The following SDCCAG8 variants were observed in gnomAD, a reference collection of about 807,000 sequenced individuals.
The protein encoded by SDCCAG8 is serologically defined colon cancer antigen 8.
A neutral mutation model predicts 101.8 loss-of-function variants in SDCCAG8; 74 were observed. That is an observed-to-expected ratio of 0.73 (90% CI 0.60 to 0.88). The LOEUF (loss-of-function observed/expected upper bound fraction) is 0.88. Ranked by LOEUF, SDCCAG8 falls within the 40% of genes least tolerant of loss-of-function variation. The probability of loss-of-function intolerance (pLI) is 0.00; values close to 1 mark genes in which losing one functional copy is unlikely to be tolerated. For missense variants in SDCCAG8, 787 were observed against 822.6 expected (o/e 0.96, Z 0.53); for synonymous variants, 281 against 292.9 (o/e 0.96, Z 0.41).
At chr1:243,497,114 G>A (rs1026596839) in intron 17 of SDCCAG8, among the ~76,000 whole-genome samples, 2 of 152,194 alleles carry the variant, frequency 1.3e-5, no homozygotes, top group Admixed American at 1.3e-4. Context: ...TCACTGTGGT[G>A]TTGATGACAG....
chr1:243,291,104 G>A (rs540943742), intron 5 of SDCCAG8, among the ~76,000 whole-genome samples: 1 of 152,280 alleles, frequency 6.6e-6, no homozygotes, highest in East Asian at 1.9e-4. Context: ...AGCATGATGC[G>A]ACACTGCAGT....
At chr1:243,334,130 T>G (rs1401812371) in intron 10 of SDCCAG8, among the ~76,000 whole-genome samples, 4 of 152,172 alleles carry the variant, frequency 2.6e-5, no homozygotes. Flanking sequence ...GCTCTAAGAC[T>G]TAAGCCCCTG....
At chr1:243,262,587 A>G (rs984882614) in intron 1 of SDCCAG8, among the ~76,000 whole-genome samples, 2 of 152,212 alleles carry the variant, frequency 1.3e-5, no homozygotes, top group African/African-American at 4.8e-5. Context: ...AATAATCTAA[A>G]TCAAAGGTAT....
chr1:243,438,170 CG>C (rs1558469453), intron 16 of SDCCAG8, among the ~76,000 whole-genome samples: 1 of 152,118 alleles, frequency 6.6e-6, no homozygotes, highest in Non-Finnish European at 1.5e-5. Context: ...TGTGCGCATC[CG>C]GGGGGAGGAA....
At chr1:243,497,120 G>A (rs1342756455) in intron 17 of SDCCAG8, among the ~76,000 whole-genome samples, 1 of 152,202 alleles carries the variant, frequency 6.6e-6, no homozygotes, top group African/African-American at 2.4e-5. Context: ...TGGTGTTGAT[G>A]ACAGGACTTC....
intron 13 of SDCCAG8, among the ~76,000 whole-genome samples, chr1:243,396,670 T>C (rs2147959047): frequency 6.6e-6 from 1 of 152,352 alleles, no homozygotes; most frequent in Non-Finnish European, 1.5e-5. Context: ...ACTTTAAAAC[T>C]TTTATTTTGC....
intron 1 of SDCCAG8, among the ~76,000 whole-genome samples, chr1:243,264,709 G>A (rs2067453060): frequency 6.6e-6 from 1 of 152,202 alleles, no homozygotes; most frequent in Non-Finnish European, 1.5e-5. Flanking sequence ...TGTACTGATT[G>A]ATGTTTGGAT....
In SDCCAG8 at chr1:243,415,735, C is replaced by T; in HGVS notation, c.1650C>T (p.Ser550=). The T allele has an allele frequency of 6.2e-7, 1 of 1,613,838 alleles. No homozygotes were observed. The highest frequency in any genetic ancestry group is 8.5e-7 in the Non-Finnish European group (1 of 1,179,808). Residue 550 remains serine, a synonymous_variant, in exon 14 of 18, where the codon AGC becomes AGT. Transcript: ENST00000366541. ...QEKDSIQQSF[S]KEAKAQALQA... Reference sequence around the variant, plus strand: ...AAGATAGCATTCAGCAGAGCTTTAGCAAGGAAGCAAAGGCCCAAGCCCTTC... The same window carrying T: ...AAGATAGCATTCAGCAGAGCTTTAGTAAGGAAGCAAAGGCCCAAGCCCTTC...
At chr1:243,335,948 T>C (rs1288132749) in intron 10 of SDCCAG8, among the ~76,000 whole-genome samples, 2 of 152,236 alleles carry the variant, frequency 1.3e-5, no homozygotes, top group African/African-American at 2.4e-5. Context: ...CTTGCGTCCA[T>C]GTTCCTGCCA....
chr1:243,470,294 C>A (rs751546123), intron 16 of SDCCAG8, among the ~76,000 whole-genome samples: 7 of 152,100 alleles, frequency 4.6e-5, no homozygotes, highest in Non-Finnish European at 1.0e-4. Context: ...GCATCCTGGC[C>A]GTCATCACTC....
chr1:243,339,108 G>A (rs1386695323), intron 10 of SDCCAG8, among the ~76,000 whole-genome samples: 1 of 148,838 alleles, frequency 6.7e-6, no homozygotes, highest in East Asian at 2.0e-4. Flanking sequence ...AAGTGGGGTG[G>A]GCGGCAGGAG....
intron 16 of SDCCAG8, among the ~76,000 whole-genome samples, chr1:243,434,777 C>T (rs1224164117): frequency 6.6e-6 from 1 of 152,140 alleles, no homozygotes; most frequent in African/African-American, 2.4e-5. Context: ...TGCTGCCCTC[C>T]CAATAAGTTG....
chr1:243,427,149 G>T (rs111854851), intron 16 of SDCCAG8, among the ~76,000 whole-genome samples: 20 of 152,258 alleles, frequency 1.3e-4, no homozygotes, highest in African/African-American at 4.1e-4. Context: ...AAAGCACATG[G>T]CTCATAAAGG....
intron 15 of SDCCAG8, among the ~76,000 whole-genome samples, chr1:243,420,560 G>A (rs2080926828): frequency 6.6e-6 from 1 of 152,144 alleles, no homozygotes. Context: ...TTGTAACTCT[G>A]ATGAATTAAA....
intron 10 of SDCCAG8, among the ~76,000 whole-genome samples, chr1:243,332,963 G>A (rs924576601): frequency 6.6e-6 from 1 of 152,210 alleles, no homozygotes; most frequent in African/African-American, 2.4e-5. Context: ...TTTAAAGACT[G>A]TTTCAAATCA....
chr1:243,418,248 G>A (rs371934903), intron 15 of SDCCAG8, among the ~76,000 whole-genome samples, 172 bp downstream of exon 15: 7 of 151,946 alleles, frequency 4.6e-5, no homozygotes, highest in African/African-American at 1.2e-4. Flanking sequence ...TTGTCTATAC[G>A]CTTTTATGTT....
Position 243,304,742 on chromosome 1 carries a change from G to T in SDCCAG8, c.705G>T (p.Lys235Asn). 6.3e-7 allele frequency: 1 copy of T among 1,595,790 alleles called. No homozygotes were observed. Among genetic ancestry groups the T allele is most frequent in the Non-Finnish European group, 8.6e-7 (1 of 1,163,538 alleles). ...LEKLKLTYEE[K>N]CEIEESQLKF... ...AGCTAAAACTTACTTATGAGGAAAA[G>T]TGTGAAATTGAGGAATCCCAATTGA... is the stretch of plus-strand genomic sequence containing the variant. Residue 235 changes from lysine (K) to asparagine (N), a missense_variant, in exon 7 of 18, where the codon AAG becomes AAT. By Grantham distance (94) the Lys-to-Asn change is moderately conservative. Coordinates refer to ENST00000366541, the MANE Select transcript of SDCCAG8 (RefSeq NM_006642.5).
chr1:243,482,790 A>G (rs1011272351), intron 16 of SDCCAG8, among the ~76,000 whole-genome samples: 3 of 152,212 alleles, frequency 2.0e-5, no homozygotes, highest in African/African-American at 7.2e-5. Context: ...GAAGATAGCA[A>G]CCACATCCTG....
intron 10 of SDCCAG8, among the ~76,000 whole-genome samples, chr1:243,333,360 G>A (rs753582595): frequency 5.3e-5 from 8 of 152,176 alleles, no homozygotes; most frequent in Non-Finnish European, 1.2e-4. Context: ...TGGCACGCAA[G>A]AAGTTCTAAA....
Sources: allele counts gnomAD v4.1 joint callset (sites outside exome capture counted in the v4.1 genomes callset), GRCh38; gene constraint gnomAD v4.1.1; transcripts MANE v1.5; gene names NCBI Gene and HGNC (gene_info 2026-07-23, HGNC 2026-07-21).